The following GYPE variants were observed in gnomAD, a reference collection of about 807,000 sequenced individuals.
The protein encoded by GYPE is glycophorin-E.
Under a neutral mutation model 11.6 loss-of-function variants are expected in GYPE, and 8 were observed. The observed-to-expected ratio is 0.69, with a 90% CI of 0.41 to 1.25. The LOEUF (loss-of-function observed/expected upper bound fraction) is 1.25, where lower values mean the gene tolerates loss of function less well. Ranked by LOEUF, GYPE falls within the 50% of genes most tolerant of loss-of-function variation. The pLI, the probability that GYPE is intolerant of heterozygous loss-of-function variation, is 0.01. For synonymous variants in GYPE, 28 were observed against 29.6 expected (o/e 0.94, Z 0.18); for missense variants, 90 against 92.8 (o/e 0.97, Z 0.12).
intron 1 of GYPE, among the ~76,000 whole-genome samples, chr4:143,901,627 A>G (rs1033991180): frequency 5.5e-5 from 5 of 90,194 alleles, no homozygotes; most frequent in Admixed American, 1.5e-4. Flanking sequence ...TCAGCACCAT[A>G]TAAGAAGGAT....
intron 2 of GYPE, among the ~76,000 whole-genome samples, chr4:143,877,057 C>G (rs1372846443): frequency 6.6e-6 from 1 of 152,160 alleles, no homozygotes; most frequent in Non-Finnish European, 1.5e-5. Flanking sequence ...TGTGGGTGAT[C>G]AAGTCTTTTG....
intron 1 of GYPE, among the ~76,000 whole-genome samples, chr4:143,901,972 A>G (rs1215567984): frequency 3.3e-5 from 5 of 152,102 alleles, no homozygotes; most frequent in African/African-American, 9.7e-5. Flanking sequence ...AGATTTGGCA[A>G]CTAGTCCAGC....
intron 1 of GYPE, among the ~76,000 whole-genome samples, chr4:143,898,714 A>AT (rs1269823903): frequency 6.6e-6 from 1 of 152,178 alleles, no homozygotes; most frequent in Non-Finnish European, 1.5e-5. Context: ...GATTTATATG[A>AT]TTTTTTGCTA....
intron 1 of GYPE, among the ~76,000 whole-genome samples, chr4:143,895,360 T>A (rs1363781513): frequency 6.6e-6 from 1 of 151,956 alleles, no homozygotes; most frequent in Admixed American, 6.6e-5. Context: ...TATACAACAA[T>A]AACAGACAAA....
chr4:143,872,553 A>T (rs1273940492), intron 3 of GYPE, among the ~76,000 whole-genome samples: 1 of 152,076 alleles, frequency 6.6e-6, no homozygotes, highest in Non-Finnish European at 1.5e-5. Flanking sequence ...AATGGGAAGG[A>T]GGGAAGAAGA....
chr4:143,871,756 A>C lies in GYPE; in HGVS notation c.*506T>G, dbSNP rs1743627094. 1 of 152,206 alleles carries C rather than the reference A, an allele frequency of 6.6e-6. No homozygotes were observed. The highest frequency in any genetic ancestry group is 6.5e-5 in the Admixed American group (1 of 15,276). The allele number at this position is 152,206 out of a possible 1,614,324, so 9.4% of individuals were successfully genotyped here. ...AACTAATATTTGGTTTACTGTCAGCAGTCTGTTCGGGCGGCATTTTGCCAA... is the reference window on the plus strand; with the variant it reads ...AACTAATATTTGGTTTACTGTCAGCCGTCTGTTCGGGCGGCATTTTGCCAA... On this transcript the variant is annotated 3_prime_UTR_variant, in exon 4 of 4. Coordinates refer to ENST00000358615, the MANE Select transcript of GYPE (RefSeq NM_198682.3).
chr4:143,903,352 G>T (rs550694214), intron 1 of GYPE, among the ~76,000 whole-genome samples: 1 of 151,686 alleles, frequency 6.6e-6, no homozygotes, highest in Admixed American at 6.6e-5. Context: ...AATCTGACAT[G>T]TAATGACTGA....
intron 1 of GYPE, among the ~76,000 whole-genome samples, chr4:143,900,742 CTATTA>C (rs958318994): frequency 1.3e-5 from 2 of 152,072 alleles, no homozygotes; most frequent in Non-Finnish European, 2.9e-5. Context: ...AAAAGGCTAC[CTATTA>C]TATGATTCCA....
chr4:143,903,536 A>AG (rs1553989196), intron 1 of GYPE, among the ~76,000 whole-genome samples: 2 of 149,386 alleles, frequency 1.3e-5, no homozygotes, highest in Non-Finnish European at 3.0e-5. Context: ...AAAAAAAAAA[A>AG]AAAAAAGAAA....
intron 1 of GYPE, among the ~76,000 whole-genome samples, chr4:143,901,852 G>C (rs1307130575): frequency 6.6e-6 from 1 of 151,970 alleles, no homozygotes; most frequent in East Asian, 1.9e-4. Flanking sequence ...GTAAGTTTGA[G>C]ATACCATCCC....
At chr4:143,904,032 C>T (rs1455122488) in intron 1 of GYPE, among the ~76,000 whole-genome samples, 2 of 152,014 alleles carry the variant, frequency 1.3e-5, no homozygotes, top group Admixed American at 1.3e-4. Flanking sequence ...ACAAATATTA[C>T]ACTACATCCC....
chr4:143,881,101 A>T (rs536367723), intron 1 of GYPE, among the ~76,000 whole-genome samples: 5 of 151,828 alleles, frequency 3.3e-5, no homozygotes, highest in Non-Finnish European at 7.4e-5. Context: ...ACACTATTAC[A>T]TTGCATGAAC....
Position 143,891,918 on chromosome 4 carries a change from C to T in GYPE, c.38-11409G>A, listed in dbSNP as rs544614052. Among the ~76,000 whole-genome samples, 253 of 152,176 alleles carry T rather than the reference C, an allele frequency of 1.7e-3. 1 individual carries two copies. Among genetic ancestry groups the T allele is most frequent in the African/African-American group, 5.6e-3 (231 of 41,514 alleles). ...TCCTCCTTGTACCTCTGGTAGAATT[C>T]GGCTGTGAATCCATCTGGTCCTGGA... is the stretch of plus-strand genomic sequence containing the variant. On this transcript the variant is annotated intron_variant, in intron 1 of 3. Coordinates refer to ENST00000358615, the MANE Select transcript of GYPE (RefSeq NM_198682.3).
At chr4:143,894,285 C>T (rs1357406432) in intron 1 of GYPE, among the ~76,000 whole-genome samples, 4 of 152,124 alleles carry the variant, frequency 2.6e-5, no homozygotes, top group South Asian at 2.1e-4. Context: ...GTAGTTTGAT[C>T]GTCTGAAGCC....
intron 1 of GYPE, 85 bp downstream of exon 1, chr4:143,905,386 A>G: frequency 2.5e-6 from 4 of 1,598,202 alleles, no homozygotes. Flanking sequence ...TTTAAATAAG[A>G]TAGAACTAAA....
intron 1 of GYPE, among the ~76,000 whole-genome samples, chr4:143,881,884 C>T (rs1206809226): frequency 6.6e-6 from 1 of 152,158 alleles, no homozygotes; most frequent in East Asian, 1.9e-4. Flanking sequence ...AGGCAGCCAA[C>T]TTGGCCCCTC....
chr4:143,897,076 G>A (rs1578976728), intron 1 of GYPE, among the ~76,000 whole-genome samples: 1 of 152,200 alleles, frequency 6.6e-6, no homozygotes, highest in East Asian at 1.9e-4. Context: ...GTTAATGGGT[G>A]CAGCACACCA....
intron 1 of GYPE, among the ~76,000 whole-genome samples, chr4:143,881,689 T>C (rs1560940609): frequency 6.6e-6 from 1 of 152,232 alleles, no homozygotes. Context: ...TTCTGTGGTT[T>C]ATTTTTCAAT....
intron 3 of GYPE, among the ~76,000 whole-genome samples, chr4:143,872,963 C>A (rs921815502): frequency 5.3e-5 from 8 of 151,966 alleles, no homozygotes; most frequent in African/African-American, 1.9e-4. Context: ...TGATTTTATT[C>A]TGGTGCAGTG....
Sources: allele counts gnomAD v4.1 joint callset (sites outside exome capture counted in the v4.1 genomes callset), GRCh38; gene constraint gnomAD v4.1.1; transcripts MANE v1.5; gene names NCBI Gene and HGNC (gene_info 2026-07-23, HGNC 2026-07-21).